Variants in REV3L observed in about 807,000 individuals in gnomAD.
The protein encoded by REV3L is DNA polymerase zeta catalytic subunit.
In REV3L, 69 loss-of-function variants were observed where a neutral mutation model predicts 299.4. The ratio of observed to expected loss-of-function variants is 0.23; its 90% CI spans 0.19 to 0.28. The LOEUF (loss-of-function observed/expected upper bound fraction) is 0.28, where lower values mean the gene tolerates loss of function less well. Among genes scored for constraint, REV3L ranks in the 10% least tolerant of loss-of-function variants. The pLI is 1.00. For synonymous variants in REV3L, 1,238 were observed against 1,271.4 expected, an observed-to-expected ratio of 0.97 and a Z score of 0.56; for missense variants, 3,128 against 3,693.8, an observed-to-expected ratio of 0.85 and a Z score of 3.97.
intron 1 of REV3L, among the ~76,000 whole-genome samples, chr6:111,479,401 A>G (rs1450151755): frequency 2.6e-5 from 4 of 152,080 alleles, no homozygotes; most frequent in Non-Finnish European, 5.9e-5. Context: ...AAATTCCATA[A>G]CTCAGATGAA....
chr6:111,465,693 C>T (rs1341986519), intron 1 of REV3L, among the ~76,000 whole-genome samples: 2 of 131,820 alleles, frequency 1.5e-5, no homozygotes, highest in African/African-American at 2.9e-5. Flanking sequence ...AGATCGCGCC[C>T]GAGCACTCTA....
chr6:111,406,134 A>G (rs766961626), intron 3 of REV3L, among the ~76,000 whole-genome samples: 11 of 152,200 alleles, frequency 7.2e-5, no homozygotes, highest in Non-Finnish European at 1.0e-4. Context: ...TCTAGAAAAG[A>G]TACTAAACAG....
chr6:111,305,100 C>A (rs888457537), intron 31 of REV3L, among the ~76,000 whole-genome samples: 3 of 151,994 alleles, frequency 2.0e-5, no homozygotes, highest in Non-Finnish European at 4.4e-5. Flanking sequence ...TGCCACCACG[C>A]CTGGCTAATT....
rs1248532778 is a variant in REV3L at position 111,483,169 on chromosome 6, G to C, written c.-281C>G. ...TGCCGCCACCGCCGGGAATCACACG[G>C]GCTCCTCGGTCCCAGGCTGCAGCTC... is the stretch of plus-strand genomic sequence containing the variant. On this transcript the variant is annotated 5_prime_UTR_variant, in exon 1 of 32. Coordinates refer to ENST00000368802, the MANE Select transcript of REV3L (RefSeq NM_001372078.1). 1 of 490,354 alleles carries C rather than the reference G, an allele frequency of 2.0e-6. No individual in the cohort carries two copies. Among genetic ancestry groups the C allele is most frequent in the African/African-American group, 2.0e-5 (1 of 49,038 alleles). The allele number at this position is 490,354 out of a possible 1,614,324, so 30.4% of individuals were successfully genotyped here. A position where few individuals can be genotyped will look rare whatever the true frequency, so the allele number is the denominator to read the frequency against.
intron 1 of REV3L, among the ~76,000 whole-genome samples, chr6:111,466,464 T>A (rs920107857): frequency 1.3e-5 from 2 of 152,230 alleles, no homozygotes; most frequent in African/African-American, 2.4e-5. Context: ...AAATGTCCTA[T>A]CAGTTTAATA....
At chr6:111,364,624 A>G (rs1779026149) in intron 15 of REV3L, among the ~76,000 whole-genome samples, 1 of 152,050 alleles carries the variant, frequency 6.6e-6, no homozygotes, top group Non-Finnish European at 1.5e-5. Flanking sequence ...TGATAATCTC[A>G]GAAATATTAA....
chr6:111,477,971 T>C (rs576657449), intron 1 of REV3L, among the ~76,000 whole-genome samples: 1 of 152,248 alleles, frequency 6.6e-6, no homozygotes, highest in South Asian at 2.1e-4. Flanking sequence ...TGCCAAAAGA[T>C]TTATGCTCAT....
intron 31 of REV3L, among the ~76,000 whole-genome samples, chr6:111,300,732 A>ACT (rs1203161621): frequency 6.6e-6 from 1 of 151,854 alleles, no homozygotes; most frequent in Non-Finnish European, 1.5e-5. Flanking sequence ...CCCAATCAAT[A>ACT]CTCTTATAAT....
intron 1 of REV3L, among the ~76,000 whole-genome samples, chr6:111,446,897 T>A (rs1179813743): frequency 6.6e-6 from 1 of 152,160 alleles, no homozygotes; most frequent in East Asian, 1.9e-4. Context: ...CTACTCTTTG[T>A]ATAGTAGCAG....
chr6:111,403,425 G>A (rs1283103454), intron 4 of REV3L, among the ~76,000 whole-genome samples: 1 of 152,170 alleles, frequency 6.6e-6, no homozygotes, highest in Non-Finnish European at 1.5e-5. Flanking sequence ...ACTCTGCATT[G>A]AGCAAATCTA....
chr6:111,341,277 A>C (rs924048986), intron 21 of REV3L, among the ~76,000 whole-genome samples: 3 of 152,044 alleles, frequency 2.0e-5, no homozygotes, highest in Admixed American at 2.0e-4. Flanking sequence ...CGAACTCCTG[A>C]CCTCAGGTGA....
chr6:111,439,190 T>C (rs560322477), intron 1 of REV3L, among the ~76,000 whole-genome samples: 2 of 152,358 alleles, frequency 1.3e-5, no homozygotes, highest in East Asian at 3.9e-4. Flanking sequence ...TTACTTGCTG[T>C]TCATTTTATG....
Position 111,367,443 on chromosome 6 carries a change from A to G in REV3L, c.6345T>C (p.Ile2115=), listed in dbSNP as rs763405901. The change falls in exon 14 of 32, where the codon ATT becomes ATC. Residue 2115 remains isoleucine, a synonymous_variant. Coordinates refer to ENST00000368802, the MANE Select transcript of REV3L (RefSeq NM_001372078.1). The part of the protein sequence containing the change: ...KDEDDDDNYY[I]SYSSPDSPVI... ...CTGGAGAATCAGGGGAGCTATAACTAATGTAATAGTTATCATCATCATCTT... is the reference window on the plus strand; with the variant it reads ...CTGGAGAATCAGGGGAGCTATAACTGATGTAATAGTTATCATCATCATCTT... 5 of 1,610,948 alleles carry G rather than the reference A, an allele frequency of 3.1e-6. No homozygotes were observed. The Admixed American group carries it at 6.7e-5, about 22-fold the overall frequency.
intron 21 of REV3L, among the ~76,000 whole-genome samples, chr6:111,338,411 A>T (rs1166395372): frequency 6.8e-6 from 1 of 146,424 alleles, no homozygotes; most frequent in Non-Finnish European, 1.5e-5. Flanking sequence ...AAGAAACATA[A>T]TCAGCAGATT....
chr6:111,388,151 T>A lies in REV3L; in HGVS notation c.863-66A>T, dbSNP rs1289754073. ...ATGAATGAAATATTTTCCCTTCTCC[T>A]AAAGTAGCTTTAAAAATGGTGGCAA... On this transcript the variant is annotated intron_variant, in intron 7 of 31. Transcript: ENST00000368802. 1.5e-5 allele frequency: 16 copies of A among 1,084,286 alleles called. No individual in the cohort carries two copies. In the South Asian group the frequency reaches 1.9e-4, roughly 13 times the overall value. 67.2% of individuals were successfully genotyped at this position (1,084,286 alleles called of 1,614,324 possible).
intron 14 of REV3L, 112 bp downstream of exon 14, chr6:111,367,003 G>A (rs963028443): frequency 1.2e-6 from 1 of 822,576 alleles, no homozygotes; most frequent in Non-Finnish European, 1.8e-6. Context: ...AAAAATATTT[G>A]CTGAGCTATA....
At chr6:111,352,486 T>G (rs1777675707) in intron 18 of REV3L, among the ~76,000 whole-genome samples, 1 of 151,944 alleles carries the variant, frequency 6.6e-6, no homozygotes, top group South Asian at 2.1e-4. Context: ...GGTATGGTAT[T>G]TTGAAAAAGA....
At position 111,386,650 on chromosome 6, in the gene REV3L, T is replaced by C. The variant is rs17072676; in HGVS notation, c.1096+1115A>G. ...TCTTAAACTGTTTCATTTGTTACTA[T>C]TGATATCATTTTACAACTTTATGAT... On this transcript the variant is annotated intron_variant, in intron 9 of 31. Coordinates refer to ENST00000368802, the MANE Select transcript of REV3L (RefSeq NM_001372078.1). Among the ~76,000 whole-genome samples, 714 of 152,224 alleles carry C rather than the reference T, an allele frequency of 4.7e-3. 8 individuals carry two copies. The highest frequency in any genetic ancestry group is 0.016 in the African/African-American group (681 of 41,524).
At chr6:111,307,166 A>C (rs1285014020) in intron 31 of REV3L, among the ~76,000 whole-genome samples, 195 bp downstream of exon 31, 4 of 152,226 alleles carry the variant, frequency 2.6e-5, no homozygotes, top group Non-Finnish European at 4.4e-5. Context: ...CATAAAAAAA[A>C]CAAAAAATAA....
Sources: allele counts gnomAD v4.1 joint callset (sites outside exome capture counted in the v4.1 genomes callset), GRCh38; gene constraint gnomAD v4.1.1; transcripts MANE v1.5; gene names NCBI Gene and HGNC (gene_info 2026-07-23, HGNC 2026-07-21).